ACOT11: variants seen among roughly 807,000 people sequenced by gnomAD.
ACOT11 encodes acyl-CoA thioesterase 11, also known as acyl-coenzyme A thioesterase 11.
Under a neutral mutation model 77.5 loss-of-function variants are expected in ACOT11, and 69 were observed. The observed-to-expected ratio is 0.89, with a 90% confidence interval of 0.73 to 1.09. ACOT11 has a LOEUF of 1.09. ACOT11 is among the 50% of genes least tolerant of loss of function. The pLI, the probability that ACOT11 is intolerant of heterozygous loss-of-function variation, is 0.00. For synonymous variants in ACOT11, 279 were observed against 313.0 expected (o/e 0.89, Z 1.15); for missense variants, 766 against 813.7 (o/e 0.94, Z 0.71).
chr1:54,562,266 G>GA (rs1653537967), intron 1 of ACOT11, among the ~76,000 whole-genome samples: 1 of 121,922 alleles, frequency 8.2e-6, no homozygotes, highest in Admixed American at 7.3e-5. Flanking sequence ...CCAGGCGGGG[G>GA]GCTGACCCCC....
Position 54,607,378 on chromosome 1 carries a change from T to G in ACOT11, c.1502+113T>G. ...CTGGAGCCAGAGCTCTGCTTCCCAT[T>G]GGCTGTGGGGCCCCAGGCACCACTA... is the stretch of plus-strand genomic sequence containing the variant. On this transcript the variant is annotated intron_variant, in intron 14 of 15. Transcript: ENST00000343744. The surrounding 1 kb of genome is among the most constrained non-coding windows in gnomAD (Gnocchi z 4.5). The G allele has an allele frequency of 6.6e-7, 1 of 1,523,432 alleles. No individual in the cohort carries two copies. Among genetic ancestry groups the G allele is most frequent in the Non-Finnish European group, 8.9e-7 (1 of 1,126,486 alleles). 94.4% of individuals were successfully genotyped at this position (1,523,432 alleles called of 1,614,324 possible).
chr1:54,630,721 T>C (rs1003411344), intron 15 of ACOT11: 3 of 695,040 alleles, frequency 4.3e-6, no homozygotes, highest in African/African-American at 3.5e-5. Flanking sequence ...TGTGTGTCTT[T>C]TAATTCCTCT....
intron 13 of ACOT11, among the ~76,000 whole-genome samples, chr1:54,606,283 C>A (rs186019782): frequency 1.3e-5 from 2 of 152,048 alleles, no homozygotes; most frequent in Non-Finnish European, 2.9e-5. Flanking sequence ...TGGGGTGGGC[C>A]TTGAAGGCCA....
At chr1:54,591,287 T>A (rs547364273) in intron 3 of ACOT11, among the ~76,000 whole-genome samples, 5 of 152,210 alleles carry the variant, frequency 3.3e-5, no homozygotes, top group Admixed American at 6.5e-5. Context: ...TCTCTCTCAC[T>A]TGACCCTCAG....
chr1:54,603,298 G>A (rs539173668), intron 10 of ACOT11, among the ~76,000 whole-genome samples: 109 of 152,316 alleles, frequency 7.2e-4, no homozygotes, highest in African/African-American at 2.4e-3. Flanking sequence ...GTAGCAAGCC[G>A]AGATTGTGCC....
chr1:54,571,969 G>C (rs1653943552), intron 1 of ACOT11, among the ~76,000 whole-genome samples: 1 of 152,100 alleles, frequency 6.6e-6, no homozygotes, highest in South Asian at 2.1e-4. Flanking sequence ...GGGCCTTGAA[G>C]GGGCCCACTG....
At position 54,579,374 on chromosome 1, in the gene ACOT11, T is replaced by C. The variant is rs142231778; in HGVS notation, c.34-5281T>C. ...TTTGGTTCCTAGTGCACGTGCATCC[T>C]GTGTGTGTCCCGGGTATGTGTGTAG... On this transcript the variant is annotated intron_variant, in intron 1 of 15. Transcript: ENST00000343744. Among the ~76,000 whole-genome samples, 709 of 152,330 alleles carry C rather than the reference T, an allele frequency of 4.7e-3. 1 individual carries two copies. Among genetic ancestry groups the C allele is most frequent in the Non-Finnish European group, 7.6e-3 (519 of 68,022 alleles).
Position 54,584,935 on chromosome 1 carries a change from T to A in ACOT11, c.241+73T>A. On this transcript the variant is annotated intron_variant, in intron 2 of 15. Coordinates refer to ENST00000343744, the MANE Select transcript of ACOT11 (RefSeq NM_147161.4). The surrounding 1 kb of genome is among the most constrained non-coding windows in gnomAD (Gnocchi z 6.3). ...GCAGGGGCCGTGCTTTCAGAGATGG[T>A]CACCGTCCACCCTAAGTGCCACACT... The A allele has an allele frequency of 6.8e-7, 1 of 1,464,400 alleles. No homozygotes were observed. The highest frequency in any genetic ancestry group is 9.2e-7 in the Non-Finnish European group (1 of 1,082,734). The allele number at this position is 1,464,400 out of a possible 1,614,324, so 90.7% of individuals were successfully genotyped here. A position where few individuals can be genotyped will look rare whatever the true frequency, so the allele number is the denominator to read the frequency against.
chr1:54,612,782 C>G, downstream of ACOT11: 7 of 1,162,976 alleles, frequency 6.0e-6, no homozygotes, highest in South Asian at 9.0e-5. Context: ...GGTCTCATCA[C>G]AGTGCTAGGG....
At chr1:54,623,510 G>T in intron 15 of ACOT11, 1 of 770,074 alleles carries the variant, frequency 1.3e-6, no homozygotes, top group Non-Finnish European at 2.2e-6. Context: ...ATTCTCCACC[G>T]GGCCTGGTCT....
chr1:54,557,150 T>G (rs1653285265), intron 1 of ACOT11, among the ~76,000 whole-genome samples: 1 of 151,804 alleles, frequency 6.6e-6, no homozygotes, highest in African/African-American at 2.4e-5. Context: ...TCCCAGCACT[T>G]TGGGAGGCCA....
At chr1:54,630,800 G>A (rs750295708) in exon 16 of ACOT11, 15 of 769,900 alleles carry the variant, frequency 1.9e-5, no homozygotes, top group South Asian at 5.6e-5. Context: ...CTGGGGGCTC[G>A]AATCCAGGTC....
At chr1:54,568,015 G>C (rs1033299291) in intron 1 of ACOT11, among the ~76,000 whole-genome samples, 2 of 152,206 alleles carry the variant, frequency 1.3e-5, no homozygotes, top group Non-Finnish European at 2.9e-5. Flanking sequence ...GGATGGGGCA[G>C]AGTCTGCTCT....
At chr1:54,586,494 C>T (rs1352163167) in intron 3 of ACOT11, among the ~76,000 whole-genome samples, 3 of 150,960 alleles carry the variant, frequency 2.0e-5, no homozygotes, top group East Asian at 1.9e-4. Context: ...TACAATGACA[C>T]GATCTTGGTT....
intron 1 of ACOT11, among the ~76,000 whole-genome samples, chr1:54,554,498 A>G (rs1019229069): frequency 1.3e-5 from 2 of 149,940 alleles, no homozygotes; most frequent in African/African-American, 4.9e-5. Context: ...AATTAGAGGT[A>G]TGCACCACTG....
rs1569709890 is a variant in ACOT11, at chr1:54,584,132, C to T, written c.34-523C>T. ...AATAGATCCAAGTGCTAGACATTAGCGGGCCACAGAGGCTGTCCTGATGGC... is the reference window on the plus strand; with the variant it reads ...AATAGATCCAAGTGCTAGACATTAGTGGGCCACAGAGGCTGTCCTGATGGC... On this transcript the variant is annotated intron_variant, in intron 1 of 15. Coordinates refer to ENST00000343744, the MANE Select transcript of ACOT11 (RefSeq NM_147161.4). This position sits in a 1 kb window ranked among gnomAD's most constrained non-coding sequence, Gnocchi z 6.3. Among the ~76,000 whole-genome samples, 2 of 152,130 alleles carry T rather than the reference C, an allele frequency of 1.3e-5. No homozygotes were observed. Among genetic ancestry groups the T allele is most frequent in the Admixed American group, 6.5e-5 (1 of 15,278 alleles).
intron 3 of ACOT11, among the ~76,000 whole-genome samples, chr1:54,587,548 TC>T (rs1227240074): frequency 8.4e-6 from 1 of 119,224 alleles, no homozygotes; most frequent in Middle Eastern, 3.6e-3. Context: ...TGGTTTGTAA[TC>T]CTTTTTTTTT....
At position 54,552,606 on chromosome 1, in the gene ACOT11, C is replaced by T. The variant is rs554482562; in HGVS notation, c.33+4264C>T. Among the ~76,000 whole-genome samples the T allele has an allele frequency of 1.2e-4, 18 of 152,226 alleles. No individual in the cohort carries two copies. The East Asian group carries it at 3.5e-3, about 29-fold the overall frequency. Reference sequence around the variant, plus strand: ...TCTCTGGTTCAAGCGATTCTCATTTCTCGGCCTCCTGAGTAGCTGGGACTA... The same window carrying T: ...TCTCTGGTTCAAGCGATTCTCATTTTTCGGCCTCCTGAGTAGCTGGGACTA... On this transcript the variant is annotated intron_variant, in intron 1 of 15. Transcript: ENST00000343744.
At position 54,548,264 on chromosome 1, in the gene ACOT11, G is replaced by C. The variant is rs1652940886; in HGVS notation, c.-46G>C. 2 of 1,576,160 alleles carry C rather than the reference G, an allele frequency of 1.3e-6. No individual in the cohort carries two copies. The highest frequency in any genetic ancestry group is 8.6e-7 in the Non-Finnish European group (1 of 1,161,084). The stretch of plus-strand genomic sequence containing the variant: ...GGCCTGGCTGTTGCTCAGGTGACCA[G>C]CTTGTGTCTCTGGGAGGGCGCTGCT... On this transcript the variant is annotated 5_prime_UTR_variant, in exon 1 of 16. Transcript: ENST00000343744.
Sources: allele counts gnomAD v4.1 joint callset (sites outside exome capture counted in the v4.1 genomes callset), GRCh38; gene constraint gnomAD v4.1.1; non-coding constraint Gnocchi (gnomAD v3.1); transcripts MANE v1.5; gene names NCBI Gene and HGNC (gene_info 2026-07-23, HGNC 2026-07-21).